The following PRIM2 variants were observed in gnomAD, a reference collection of about 807,000 sequenced individuals.
PRIM2 encodes the protein DNA primase subunit 2, also known as DNA primase large subunit.
Under a neutral mutation model 67.3 loss-of-function variants are expected in PRIM2, and 39 were observed. The observed-to-expected ratio is 0.58, with a 90% CI of 0.45 to 0.76. The LOEUF is 0.76. Among genes scored for constraint, PRIM2 ranks in the 30% least tolerant of loss-of-function variants. The pLI, the probability that PRIM2 is intolerant of heterozygous loss-of-function variation, is 0.00. For missense variants in PRIM2, 398 were observed against 598.7 expected (o/e 0.66, Z 3.50); for synonymous variants, 143 against 198.7 (o/e 0.72, Z 2.36).
chr6:57,435,818 T>G (rs1771991216), intron 7 of PRIM2, among the ~76,000 whole-genome samples: 1 of 152,312 alleles, frequency 6.6e-6, no homozygotes, highest in East Asian at 1.9e-4. Flanking sequence ...AGAGCTGAGC[T>G]CATTCCAATG....
chr6:57,514,190 C>T (rs1400240897), intron 8 of PRIM2, among the ~76,000 whole-genome samples: 1 of 152,164 alleles, frequency 6.6e-6, no homozygotes, highest in Non-Finnish European at 1.5e-5. Flanking sequence ...AATATGCACA[C>T]ATTTCTACTT....
chr6:57,374,325 G>T (rs1212796814), intron 5 of PRIM2, among the ~76,000 whole-genome samples: 1 of 127,032 alleles, frequency 7.9e-6, no homozygotes, highest in Admixed American at 8.0e-5. Context: ...ACGGAGTTTC[G>T]CTCTGTCGCC....
chr6:57,591,547 T>C (rs1426371622), intron 10 of PRIM2, among the ~76,000 whole-genome samples: 14 of 152,146 alleles, frequency 9.2e-5, no homozygotes, highest in African/African-American at 3.4e-4. Context: ...ACTTTGTTTC[T>C]TTTAATATGT....
the PRIM2 span, among the ~76,000 whole-genome samples, chr6:57,241,107 C>G: frequency 2.0e-5 from 3 of 151,516 alleles, no homozygotes; most frequent in African/African-American, 7.3e-5. Context: ...ACCTGTAGTC[C>G]CAGCTACTCG....
intron 2 of PRIM2, among the ~76,000 whole-genome samples, chr6:57,319,699 G>C (rs1767586183): frequency 6.6e-6 from 1 of 152,182 alleles, no homozygotes; most frequent in Non-Finnish European, 1.5e-5. Flanking sequence ...TGGATATGAG[G>C]AGTGAGGGAG....
intron 7 of PRIM2, among the ~76,000 whole-genome samples, chr6:57,388,972 T>C (rs1770238599): frequency 1.3e-5 from 2 of 152,184 alleles, no homozygotes; most frequent in African/African-American, 4.8e-5. Context: ...TTCCATACAC[T>C]TCCACTTGAT....
intron 7 of PRIM2, chr6:57,390,138 A>C (rs751254446): frequency 6.5e-6 from 1 of 154,832 alleles, no homozygotes; most frequent in African/African-American, 2.4e-5. Context: ...GACTATTAGG[A>C]TGGTGCAAAA....
chr6:57,347,785 A>G (rs975413372), intron 5 of PRIM2, among the ~76,000 whole-genome samples: 4 of 152,352 alleles, frequency 2.6e-5, no homozygotes, highest in Non-Finnish European at 4.4e-5. Flanking sequence ...CCATGAGGAA[A>G]CTGAAGCTCA....
chr6:57,270,397 T>C, the PRIM2 span, among the ~76,000 whole-genome samples: 2 of 152,252 alleles, frequency 1.3e-5, no homozygotes, highest in East Asian at 1.9e-4. Flanking sequence ...GAAGCAATTG[T>C]GAATGGGAGT....
intron 7 of PRIM2, among the ~76,000 whole-genome samples, chr6:57,429,950 A>G (rs1218980064): frequency 6.6e-6 from 1 of 152,236 alleles, no homozygotes; most frequent in South Asian, 2.1e-4. Flanking sequence ...TCATTTGCTT[A>G]TTTTCCAACC....
chr6:57,425,749 G>A (rs1467229293), intron 7 of PRIM2, among the ~76,000 whole-genome samples: 1 of 152,118 alleles, frequency 6.6e-6, no homozygotes, highest in Non-Finnish European at 1.5e-5. Context: ...CTTACAGGAG[G>A]CCAGAGATCT....
intron 7 of PRIM2, among the ~76,000 whole-genome samples, chr6:57,484,350 C>A (rs1773696368): frequency 6.6e-6 from 1 of 152,146 alleles, no homozygotes; most frequent in South Asian, 2.1e-4. Flanking sequence ...AGGGTTTATG[C>A]TGCTGTTAGC....
chr6:57,368,115 G>A (rs1030452978), intron 5 of PRIM2, among the ~76,000 whole-genome samples: 1 of 152,026 alleles, frequency 6.6e-6, no homozygotes, highest in Non-Finnish European at 1.5e-5. Flanking sequence ...TATGATATTT[G>A]CTTTCAGCAT....
At chr6:57,278,896 C>T in the PRIM2 span, among the ~76,000 whole-genome samples, 1 of 152,162 alleles carries the variant, frequency 6.6e-6, no homozygotes, top group Admixed American at 6.5e-5. Flanking sequence ...CTCTGGAAAT[C>T]TGTGGAACAG....
At chr6:57,308,138 T>C in the PRIM2 span, among the ~76,000 whole-genome samples, 1 of 54,034 alleles carries the variant, frequency 1.9e-5, no homozygotes, top group African/African-American at 1.2e-4. Context: ...TTTTCTCTCT[T>C]TTTTTTTTTG....
At chr6:57,385,400 A>G (rs1338534340) in intron 7 of PRIM2, among the ~76,000 whole-genome samples, 3 of 152,194 alleles carry the variant, frequency 2.0e-5, no homozygotes, top group Admixed American at 6.5e-5. Context: ...GAAAATAGCA[A>G]CTTTTTCTTT....
chr6:57,301,926 G>A, the PRIM2 span, among the ~76,000 whole-genome samples: 1 of 152,222 alleles, frequency 6.6e-6, no homozygotes, highest in Non-Finnish European at 1.5e-5. Flanking sequence ...GACTGAATGT[G>A]ATGTAACTCT....
intron 5 of PRIM2, among the ~76,000 whole-genome samples, chr6:57,330,375 GT>G (rs1768016631): frequency 1.2e-5 from 1 of 83,404 alleles, no homozygotes; most frequent in South Asian, 3.9e-4. Flanking sequence ...TTGTTTTTTT[GT>G]TTTTTTGTTT....
At chr6:57,296,152 A>G in the PRIM2 span, among the ~76,000 whole-genome samples, 2 of 152,328 alleles carry the variant, frequency 1.3e-5, no homozygotes, top group Non-Finnish European at 1.5e-5. Context: ...ACAAATCTCA[A>G]TAACTCTGGA....
Sources: gnomAD v4.1 joint callset for allele counts (sites outside exome capture counted in the v4.1 genomes callset) on GRCh38, gnomAD v4.1.1 for gene constraint, MANE v1.5 for transcripts, NCBI Gene and HGNC (gene_info 2026-07-23, HGNC 2026-07-21) for gene names.